RYR3: variants seen among roughly 807,000 people sequenced by gnomAD.
The protein encoded by RYR3 is ryanodine receptor 3.
In RYR3, 207 loss-of-function variants were observed where a neutral mutation model predicts 584.3. The observed-to-expected ratio is 0.35, with a 90% CI of 0.32 to 0.40. The LOEUF (loss-of-function observed/expected upper bound fraction) is 0.40. RYR3 is among the 10% of genes least tolerant of loss of function. The probability of loss-of-function intolerance (pLI) is 1.00; values close to 1 mark genes in which losing one functional copy is unlikely to be tolerated. For missense variants in RYR3, 5,616 were observed against 6,089.2 expected (o/e 0.92, Z 2.59); for synonymous variants, 2,416 against 2,248.5 (o/e 1.07, Z -2.11).
chr15:33,372,153 T>C (rs1389119945), intron 1 of RYR3, among the ~76,000 whole-genome samples: 1 of 152,108 alleles, frequency 6.6e-6, no homozygotes, highest in Non-Finnish European at 1.5e-5. Flanking sequence ...CTATTCCCAA[T>C]TTATAGATGA....
chr15:33,729,478 A>T (rs1230199630), intron 47 of RYR3, among the ~76,000 whole-genome samples: 1 of 152,186 alleles, frequency 6.6e-6, no homozygotes, highest in Non-Finnish European at 1.5e-5. Context: ...GCAACATTAT[A>T]GGCTGACATT....
At chr15:33,596,721 A>G (rs1350117986) in intron 16 of RYR3, among the ~76,000 whole-genome samples, 2 of 152,222 alleles carry the variant, frequency 1.3e-5, no homozygotes, top group African/African-American at 4.8e-5. Flanking sequence ...ATTGTTAACT[A>G]TTAGATTGGT....
chr15:33,402,198 C>T lies in RYR3; in HGVS notation c.52-71221C>T, dbSNP rs547601621. Among the ~76,000 whole-genome samples the T allele has an allele frequency of 2.8e-4, 42 of 152,138 alleles. 1 individual carries two copies. The highest frequency in any genetic ancestry group is 8.9e-4 in the African/African-American group (37 of 41,508). On this transcript the variant is annotated intron_variant, in intron 1 of 103. Coordinates refer to ENST00000634891, the MANE Select transcript of RYR3 (RefSeq NM_001036.6). ...TGTACAATTTTTGTACAAGACTATCCGGTAGGAAAGAAATTATAAGACACT... is the reference window on the plus strand; with the variant it reads ...TGTACAATTTTTGTACAAGACTATCTGGTAGGAAAGAAATTATAAGACACT...
At chr15:33,778,876 ATTT>A (rs1316749778) in intron 64 of RYR3, among the ~76,000 whole-genome samples, 2 of 152,204 alleles carry the variant, frequency 1.3e-5, no homozygotes, top group Non-Finnish European at 2.9e-5. Context: ...CTGGGGGCTG[ATTT>A]TGAAGTTATC....
intron 102 of RYR3, 57 bp from the exon 103 acceptor site, chr15:33,864,081 T>G: frequency 7.7e-7 from 1 of 1,296,290 alleles, no homozygotes; most frequent in Non-Finnish European, 1.1e-6. Context: ...AGTTAATCCA[T>G]GCGAATGAAC....
chr15:33,335,477 A>C (rs1230288201), intron 1 of RYR3, among the ~76,000 whole-genome samples: 1 of 152,158 alleles, frequency 6.6e-6, no homozygotes, highest in Non-Finnish European at 1.5e-5. Flanking sequence ...AAGCTATATG[A>C]TGAGAACACA....
At chr15:33,693,132 C>A (rs1440346247) in intron 38 of RYR3, among the ~76,000 whole-genome samples, 1 of 152,224 alleles carries the variant, frequency 6.6e-6, no homozygotes, top group Non-Finnish European at 1.5e-5. Flanking sequence ...ACTGACGGGA[C>A]TAGAAAAACT....
intron 1 of RYR3, among the ~76,000 whole-genome samples, chr15:33,317,563 C>A (rs1968365592): frequency 6.6e-6 from 1 of 152,186 alleles, no homozygotes; most frequent in South Asian, 2.1e-4. Flanking sequence ...AGCACCTCTT[C>A]AATTCAGAGA....
At chr15:33,492,872 A>G (rs1175414801) in intron 2 of RYR3, among the ~76,000 whole-genome samples, 1 of 152,058 alleles carries the variant, frequency 6.6e-6, no homozygotes, top group East Asian at 1.9e-4. Context: ...CTGTCATGCA[A>G]TGAAAAGGCC....
intron 101 of RYR3, among the ~76,000 whole-genome samples, 157 bp downstream of exon 101, chr15:33,860,816 T>TG (rs1306647886): frequency 1.3e-5 from 2 of 150,818 alleles, no homozygotes; most frequent in Non-Finnish European, 2.9e-5. Flanking sequence ...GCCATACCCC[T>TG]GCCAGGCCGG....
chr15:33,501,638 C>T (rs1310047667), intron 2 of RYR3, among the ~76,000 whole-genome samples: 1 of 152,060 alleles, frequency 6.6e-6, no homozygotes, highest in Non-Finnish European at 1.5e-5. Context: ...TTCAGGTAGG[C>T]AGAGTGGTAG....
intron 82 of RYR3, 45 bp downstream of exon 82, chr15:33,825,721 A>AT (rs769561132): frequency 9.6e-6 from 10 of 1,039,746 alleles, no homozygotes; most frequent in Admixed American, 2.7e-5. Context: ...CCTGATTAAA[A>AT]TCTTTTTTTT....
At chr15:33,566,513 G>A (rs546064928) in intron 11 of RYR3, among the ~76,000 whole-genome samples, 165 bp from the exon 12 acceptor site, 114 of 152,340 alleles carry the variant, frequency 7.5e-4, no homozygotes, top group Non-Finnish European at 1.0e-3. Flanking sequence ...CTAATAGGGC[G>A]TATGGGTGCA....
intron 32 of RYR3, among the ~76,000 whole-genome samples, chr15:33,655,583 G>A (rs1320018071): frequency 6.6e-6 from 1 of 152,118 alleles, no homozygotes; most frequent in African/African-American, 2.4e-5. Flanking sequence ...TCTTTTGGCT[G>A]GGTGCTGGTA....
intron 60 of RYR3, among the ~76,000 whole-genome samples, chr15:33,758,191 G>A (rs1162361735): frequency 2.0e-5 from 3 of 152,172 alleles, no homozygotes; most frequent in East Asian, 3.9e-4. Flanking sequence ...CAGGGCCCTG[G>A]GTTTCAAGCA....
chr15:33,617,712 C>T (rs534121878), intron 19 of RYR3, among the ~76,000 whole-genome samples: 1 of 152,162 alleles, frequency 6.6e-6, no homozygotes, highest in Admixed American at 6.5e-5. Context: ...TTTATACTTA[C>T]AAACTATGTT....
chr15:33,663,474 T>C lies in RYR3; in HGVS notation c.5419-63T>C, dbSNP rs896135849. 23 of 1,412,304 alleles carry C rather than the reference T, an allele frequency of 1.6e-5. No homozygotes were observed. In the African/African-American group the frequency reaches 3.2e-4, roughly 20 times the overall value. The allele number at this position is 1,412,304 out of a possible 1,614,324, so 87.5% of individuals were successfully genotyped here. A position where few individuals can be genotyped will look rare whatever the true frequency, so the allele number is the denominator to read the frequency against. Reference sequence around the variant, plus strand: ...AGTCTCAGTGCTACTGTCTGTAAAATGGGCATGCTAGCAGCCTCACCAAAG... The same window carrying C: ...AGTCTCAGTGCTACTGTCTGTAAAACGGGCATGCTAGCAGCCTCACCAAAG... On this transcript the variant is annotated intron_variant, in intron 35 of 103. Transcript: ENST00000634891.
intron 45 of RYR3, among the ~76,000 whole-genome samples, chr15:33,725,188 C>CACACACACACATATAT (rs1567031182): frequency 4.0e-5 from 6 of 149,232 alleles, no homozygotes; most frequent in South Asian, 2.1e-4. Context: ...CACACACACA[C>CACACACACACATATAT]ACACACACAC....
At chr15:33,400,879 T>G (rs1595980668) in intron 1 of RYR3, among the ~76,000 whole-genome samples, 2 of 152,234 alleles carry the variant, frequency 1.3e-5, no homozygotes, top group Non-Finnish European at 2.9e-5. Context: ...TTTTCTTACC[T>G]CTGCTCTTTG....
Sources: allele counts gnomAD v4.1 joint callset (sites outside exome capture counted in the v4.1 genomes callset), GRCh38; gene constraint gnomAD v4.1.1; transcripts MANE v1.5; gene names NCBI Gene and HGNC (gene_info 2026-07-23, HGNC 2026-07-21).